Variants in FLT3LG observed in about 807,000 individuals in gnomAD.
FLT3LG encodes fms-related tyrosine kinase 3 ligand.
Under a neutral mutation model 30.9 loss-of-function variants are expected in FLT3LG, and 8 were observed. The ratio of observed to expected loss-of-function variants is 0.26; its 90% CI spans 0.15 to 0.47. The LOEUF (loss-of-function observed/expected upper bound fraction) is 0.47, where lower values mean the gene tolerates loss of function less well. FLT3LG is among the 20% of genes least tolerant of loss of function. FLT3LG has a pLI of 0.99. For missense variants in FLT3LG, 278 were observed against 306.2 expected (o/e 0.91, Z 0.69); for synonymous variants, 123 against 135.9 (o/e 0.91, Z 0.66).
At chr19:49,485,623 C>T (rs1430998471) in intron 8 of FLT3LG, among the ~76,000 whole-genome samples, 1 of 152,106 alleles carries the variant, frequency 6.6e-6, no homozygotes, top group Non-Finnish European at 1.5e-5. Context: ...CTCAGGTGAT[C>T]CGCCCGCCTC....
chr19:49,484,574 G>GC, intron 8 of FLT3LG, among the ~76,000 whole-genome samples: 1 of 152,106 alleles, frequency 6.6e-6, no homozygotes, highest in East Asian at 2.0e-4. Flanking sequence ...TCGGCTCACT[G>GC]CAACATCTGC....
chr19:49,476,773 G>A lies in FLT3LG; in HGVS notation c.342+207G>A. The A allele has an allele frequency of 1.6e-6, 1 of 610,246 alleles. No homozygotes were observed. Among genetic ancestry groups the A allele is most frequent in the Non-Finnish European group, 2.7e-6 (1 of 366,942 alleles). The allele number at this position is 610,246 out of a possible 1,614,324, so 37.8% of individuals were successfully genotyped here. The stretch of plus-strand genomic sequence containing the variant: ...GGGGAGCAGTCTGGTCCCATTCTGG[G>A]GCCCCGGTTTCCTAGGCCATGATGA... On this transcript the variant is annotated intron_variant, in intron 5 of 8. Transcript: ENST00000597551. This position sits in a 1 kb window ranked among gnomAD's most constrained non-coding sequence, Gnocchi z 5.3.
At position 49,486,000 on chromosome 19, in the gene FLT3LG, C is replaced by T. The variant is rs987621397; in HGVS notation, c.*22-15C>T. The T allele has an allele frequency of 2.6e-5, 4 of 152,476 alleles. No homozygotes were observed. Among genetic ancestry groups the T allele is most frequent in the African/African-American group, 9.6e-5 (4 of 41,560 alleles). The allele number at this position is 152,476 out of a possible 1,614,324, so 9.4% of individuals were successfully genotyped here. A position where few individuals can be genotyped will look rare whatever the true frequency, so the allele number is the denominator to read the frequency against. ...ACAACGCAGTGAGACAGACATCTAT[C>T]ATCCCATTTTACAGGGGAGGATACT... is the stretch of plus-strand genomic sequence containing the variant. On this transcript the variant is annotated splice_polypyrimidine_tract_variant and intron_variant, in intron 8 of 8. Transcript: ENST00000597551.
chr19:49,475,947 A>G (rs1388057762), intron 3 of FLT3LG, 146 bp downstream of exon 3: 5 of 1,029,044 alleles, frequency 4.9e-6, no homozygotes, highest in Non-Finnish European at 7.4e-6. Flanking sequence ...TGGCCTCCCA[A>G]AGTGCTGGAA....
intron 8 of FLT3LG, among the ~76,000 whole-genome samples, chr19:49,485,465 A>C (rs2079772626): frequency 6.6e-6 from 1 of 151,068 alleles, no homozygotes; most frequent in Non-Finnish European, 1.5e-5. Flanking sequence ...TTTTGCTTTT[A>C]TTGCCAAGGC....
intron 8 of FLT3LG, among the ~76,000 whole-genome samples, chr19:49,485,162 C>T (rs55893003): frequency 6.6e-6 from 1 of 151,572 alleles, no homozygotes; most frequent in African/African-American, 2.4e-5. Context: ...TGCACCGGCC[C>T]CATCTCAAGT....
rs1030148378 is a variant in FLT3LG at position 49,486,109 on chromosome 19, G to C, written c.*116G>C. 2 of 152,546 alleles carry C rather than the reference G, an allele frequency of 1.3e-5. No individual in the cohort carries two copies. The highest frequency in any genetic ancestry group is 4.8e-5 in the African/African-American group (2 of 41,384). 9.4% of individuals were successfully genotyped at this position (152,546 alleles called of 1,614,324 possible). A position where few individuals can be genotyped will look rare whatever the true frequency, so the allele number is the denominator to read the frequency against. ...TGGCTAGAGGCCGGTCCCTTCCTTG[G>C]GCCCCTCTCATTCCCTCCCCAGAAT... On this transcript the variant is annotated 3_prime_UTR_variant, in exon 9 of 9. Transcript: ENST00000597551.
Position 49,475,738 on chromosome 19 carries a change from C to T in FLT3LG, c.81C>T (p.Thr27=). Residue 27 remains threonine (T), a synonymous_variant, in exon 3 of 9, where the codon ACC becomes ACT. Transcript: ENST00000597551. The stretch of plus-strand genomic sequence containing the variant: ...TGCTGAGCTCGGGACTCAGTGGGAC[C>T]CAGGACTGCTCCTTCCAACACAGCC... The part of the protein sequence containing the change: ...LLLLSSGLSG[T]QDCSFQHSPI... 6.2e-7 allele frequency: 1 copy of T among 1,611,784 alleles called. No homozygotes were observed. Among genetic ancestry groups the T allele is most frequent in the Non-Finnish European group, 8.5e-7 (1 of 1,179,894 alleles).
In FLT3LG at chr19:49,474,449, A is replaced by G. The variant is rs1283160849; in HGVS notation, c.-37-154A>G. ...TTAGAAGTGGAGATGAAGAGTTTTC[A>G]CCGTAACTGGGGCAGACGCAGGAAG... is the stretch of plus-strand genomic sequence containing the variant. On this transcript the variant is annotated intron_variant, in intron 1 of 8. Coordinates refer to ENST00000597551, the MANE Select transcript of FLT3LG (RefSeq NM_001459.4). 14 of 621,998 alleles carry G rather than the reference A, an allele frequency of 2.3e-5. No homozygotes were observed. The East Asian group carries it at 3.9e-4, about 17-fold the overall frequency. 38.5% of individuals were successfully genotyped at this position (621,998 alleles called of 1,614,324 possible). A position where few individuals can be genotyped will look rare whatever the true frequency, so the allele number is the denominator to read the frequency against.
Position 49,480,309 on chromosome 19 carries a change from C to G in FLT3LG, c.493C>G (p.Leu165Val), listed in dbSNP as rs1339396111. ...CTCTTTCTCCCCAGACTCCTCAACC[C>G]TGCCACCCCCATGGAGTCCCCGGCC... is the stretch of plus-strand genomic sequence containing the variant. ...ELQCQPDSST[L>V]PPPWSPRPLE... The change falls in exon 7 of 9, where the codon CTG (leucine) becomes GTG (valine). Residue 165 changes from leucine to valine, a missense_variant. Physicochemically the swap from Leu to Val is conservative, Grantham distance 32. Transcript: ENST00000597551. 6.2e-7 allele frequency: 1 copy of G among 1,600,268 alleles called. No individual in the cohort carries two copies. The highest frequency in any genetic ancestry group is 8.5e-7 in the Non-Finnish European group (1 of 1,171,288).
chr19:49,475,606 G>T, intron 2 of FLT3LG, 85 bp from the exon 3 acceptor site: 2 of 1,514,374 alleles, frequency 1.3e-6, no homozygotes, highest in Non-Finnish European at 8.8e-7. Flanking sequence ...GAGCGGGGAA[G>T]ACAGAACAGT....
chr19:49,476,515 G>T lies in FLT3LG; in HGVS notation c.291G>T (p.Leu97Phe), dbSNP rs368893926. 6.2e-7 allele frequency: 1 copy of T among 1,614,212 alleles called. No homozygotes were observed. Among genetic ancestry groups the T allele is most frequent in the African/African-American group, 1.3e-5 (1 of 75,070 alleles). Residue 97 changes from leucine (L) to phenylalanine (F), a missense_variant, in exon 5 of 9, where the codon TTG becomes TTT. Physicochemically the swap from Leu to Phe is conservative, Grantham distance 22. Coordinates refer to ENST00000597551, the MANE Select transcript of FLT3LG (RefSeq NM_001459.4). This position sits in a 1 kb window ranked among gnomAD's most constrained non-coding sequence, Gnocchi z 5.3. ...TCGCTGGGTCCAAGATGCAAGGCTTGCTGGAGCGCGTGAACACGGAGATAC... is the reference window on the plus strand; with the variant it reads ...TCGCTGGGTCCAAGATGCAAGGCTTTCTGGAGCGCGTGAACACGGAGATAC... ...KTVAGSKMQG[L>F]LERVNTEIHF...
Position 49,476,261 on chromosome 19 carries a change from G to T in FLT3LG, c.198+63G>T. The stretch of plus-strand genomic sequence containing the variant: ...GACCACAGACTCAAGATGCTCCACC[G>T]AGGCGAGTGGATAACCAGGCCCTCC... On this transcript the variant is annotated intron_variant, in intron 4 of 8. Coordinates refer to ENST00000597551, the MANE Select transcript of FLT3LG (RefSeq NM_001459.4). The surrounding 1 kb of genome is among the most constrained non-coding windows in gnomAD (Gnocchi z 5.3). 3 of 1,469,080 alleles carry T rather than the reference G, an allele frequency of 2.0e-6. No individual in the cohort carries two copies. The highest frequency in any genetic ancestry group is 2.3e-5 in the East Asian group (1 of 44,202). 91.0% of individuals were successfully genotyped at this position (1,469,080 alleles called of 1,614,324 possible). A position where few individuals can be genotyped will look rare whatever the true frequency, so the allele number is the denominator to read the frequency against.
At chr19:49,478,293 C>G (rs1242422029) in intron 5 of FLT3LG, among the ~76,000 whole-genome samples, 3 of 151,608 alleles carry the variant, frequency 2.0e-5, no homozygotes, top group Non-Finnish European at 2.9e-5. Flanking sequence ...CAATGAAACC[C>G]CATCTCTACT....
chr19:49,485,287 T>C lies in FLT3LG; in HGVS notation c.*22-728T>C, dbSNP rs1601146663. 2.0e-5 allele frequency among the ~76,000 whole-genome samples: 3 copies of C among 149,226 alleles called. No homozygotes were observed. The East Asian group carries it at 5.9e-4, about 29-fold the overall frequency. On this transcript the variant is annotated intron_variant, in intron 8 of 8. Transcript: ENST00000597551. ...TTTTGAGATGGGAGTTTCGCTCTTG[T>C]CGCCCAGGCTGGAGTGCAATGGCAC...
Position 49,476,336 on chromosome 19 carries a change from C to A in FLT3LG, c.199-87C>A. On this transcript the variant is annotated intron_variant, in intron 4 of 8. Transcript: ENST00000597551. This position sits in a 1 kb window ranked among gnomAD's most constrained non-coding sequence, Gnocchi z 5.3. Reference sequence around the variant, plus strand: ...TCCTCAGCCCCTCCTCCCTCAGACCCAGGAGCCCCGGCCCAGCCCCTCCTC... The same window carrying A: ...TCCTCAGCCCCTCCTCCCTCAGACCAAGGAGCCCCGGCCCAGCCCCTCCTC... The A allele has an allele frequency of 6.6e-7, 1 of 1,509,582 alleles. No individual in the cohort carries two copies. Among genetic ancestry groups the A allele is most frequent in the Non-Finnish European group, 9.1e-7 (1 of 1,097,072 alleles). The allele number at this position is 1,509,582 out of a possible 1,614,324, so 93.5% of individuals were successfully genotyped here. A position where few individuals can be genotyped will look rare whatever the true frequency, so the allele number is the denominator to read the frequency against.
In FLT3LG at chr19:49,476,396, C is replaced by T; in HGVS notation, c.199-27C>T. 6.2e-7 allele frequency: 1 copy of T among 1,602,598 alleles called. No homozygotes were observed. The highest frequency in any genetic ancestry group is 8.5e-7 in the Non-Finnish European group (1 of 1,174,246). On this transcript the variant is annotated intron_variant, in intron 4 of 8. Coordinates refer to ENST00000597551, the MANE Select transcript of FLT3LG (RefSeq NM_001459.4). The surrounding 1 kb of genome is among the most constrained non-coding windows in gnomAD (Gnocchi z 5.3). ...CAGCAGCCCCGTGCCCAGCTCCTCC[C>T]TCAGACCCGTGGGTTCTCCCCTCTA...
At chr19:49,483,319 T>C (rs543497815) in intron 8 of FLT3LG, among the ~76,000 whole-genome samples, 2 of 151,878 alleles carry the variant, frequency 1.3e-5, no homozygotes. Context: ...GGTTTCACCA[T>C]GTTGGCCAGG....
intron 5 of FLT3LG, among the ~76,000 whole-genome samples, chr19:49,477,129 A>AAAAC (rs973954146): frequency 6.6e-6 from 1 of 151,456 alleles, no homozygotes; most frequent in African/African-American, 2.4e-5. Flanking sequence ...TCTCAAAAAC[A>AAAAC]AAACAAACAA....
Sources: gnomAD v4.1 joint callset for allele counts (sites outside exome capture counted in the v4.1 genomes callset) on GRCh38, gnomAD v4.1.1 for gene constraint, Gnocchi (gnomAD v3.1) non-coding constraint, MANE v1.5 for transcripts, NCBI Gene and HGNC (gene_info 2026-07-23, HGNC 2026-07-21) for gene names.